ABCA4: variants seen among roughly 807,000 people sequenced by gnomAD.
ABCA4 encodes the protein ATP binding cassette subfamily A member 4, also known as retinal-specific phospholipid-transporting ATPase ABCA4.
A neutral mutation model predicts 263.7 loss-of-function variants in ABCA4; 196 were observed. The ratio of observed to expected loss-of-function variants is 0.74; its 90% CI spans 0.66 to 0.84. The LOEUF is 0.84. Among genes scored for constraint, ABCA4 ranks in the 40% least tolerant of loss-of-function variants. The pLI is 0.00. For missense variants in ABCA4, 2,792 were observed against 2,855.1 expected, an observed-to-expected ratio of 0.98 and a Z score of 0.50; for synonymous variants, 1,133 against 1,094.2, an observed-to-expected ratio of 1.04 and a Z score of -0.70.
At chr1:94,110,520 A>G (rs1266369915) in intron 3 of ABCA4, among the ~76,000 whole-genome samples, 2 of 152,206 alleles carry the variant, frequency 1.3e-5, no homozygotes, top group African/African-American at 4.8e-5. Context: ...CTGCTCCCCA[A>G]CAGGCCTTTG....
At chr1:94,001,174 G>A in intron 45 of ABCA4, 69 bp from the exon 46 acceptor site, 1 of 1,332,132 alleles carries the variant, frequency 7.5e-7, no homozygotes, top group Non-Finnish European at 1.1e-6. Flanking sequence ...CTTCCCCCTG[G>A]GCTGGCTCCC....
chr1:94,094,420 C>T (rs1350715069), intron 6 of ABCA4, among the ~76,000 whole-genome samples: 1 of 152,038 alleles, frequency 6.6e-6, no homozygotes, highest in African/African-American at 2.4e-5. Flanking sequence ...CAAAGAGACA[C>T]GGATAAAATG....
At chr1:94,103,230 T>G (rs1662333733) in intron 4 of ABCA4, 88 bp from the exon 5 acceptor site, 1 of 1,505,748 alleles carries the variant, frequency 6.6e-7, no homozygotes, top group Non-Finnish European at 9.2e-7. Context: ...GAAACACTTG[T>G]AACTCAACTC....
chr1:94,097,570 A>G (rs1326932016), intron 6 of ABCA4, among the ~76,000 whole-genome samples: 1 of 152,208 alleles, frequency 6.6e-6, no homozygotes, highest in Non-Finnish European at 1.5e-5. Flanking sequence ...ACCTTCTCTG[A>G]AGGATTCTAA....
intron 6 of ABCA4, among the ~76,000 whole-genome samples, chr1:94,090,556 C>T (rs1661943252): frequency 6.6e-6 from 1 of 152,164 alleles, no homozygotes; most frequent in South Asian, 2.1e-4. Context: ...AGAAAGCCTT[C>T]TTCCCCCATC....
chr1:94,087,007 AT>A (rs1661850289), intron 6 of ABCA4, among the ~76,000 whole-genome samples: 1 of 152,306 alleles, frequency 6.6e-6, no homozygotes, highest in Non-Finnish European at 1.5e-5. Flanking sequence ...GTGCGGGCTC[AT>A]TTCCTGATTC....
intron 47 of ABCA4, among the ~76,000 whole-genome samples, chr1:93,999,784 C>T (rs552395242): frequency 6.6e-6 from 1 of 152,318 alleles, no homozygotes; most frequent in South Asian, 2.1e-4. Context: ...CCCTCTCACC[C>T]CCTCTATCAT....
Position 94,005,475 on chromosome 1 carries a change from CG to C in ABCA4, c.6112del (p.Arg2038GlyfsTer23). 1 of 1,614,088 alleles carries C rather than the reference CG, an allele frequency of 6.2e-7. No individual in the cohort carries two copies. The highest frequency in any genetic ancestry group is 8.5e-7 in the Non-Finnish European group (1 of 1,180,024). ...TTCTTCTGCTGGTACACCTCGAAGC[CG>C]GGCATAAAGGTAAAGATGTTCTCGT... ...TGREHLYLYA[R>X]LRGVPAEEIE... On this transcript the variant is annotated frameshift_variant, in exon 44 of 50. Transcript: ENST00000370225. LOFTEE classifies it high-confidence loss of function.
In ABCA4 at chr1:94,041,238, T is replaced by C; in HGVS notation, c.3493A>G (p.Asn1165Asp). 1 of 1,614,110 alleles carries C rather than the reference T, an allele frequency of 6.2e-7. No homozygotes were observed. Among genetic ancestry groups the C allele is most frequent in the Non-Finnish European group, 8.5e-7 (1 of 1,180,014 alleles). The part of the protein sequence containing the change: ...LYLTLVRKMK[N>D]IQSQRKGSEG... ...CTGCCTTTCCTTTGGCTCTGGATGT[T>C]TTTCATCTTGCGCACCAAGGTTAAG... Residue 1165 changes from asparagine (N) to aspartate (D), a missense_variant, in exon 23 of 50, where the codon AAC becomes GAC. By Grantham distance (23) the Asn-to-Asp change is conservative (BLOSUM62 1). Transcript: ENST00000370225.
At chr1:94,046,059 T>G in intron 19 of ABCA4, 1 of 399,040 alleles carries the variant, frequency 2.5e-6, no homozygotes, top group Non-Finnish European at 5.0e-6. Flanking sequence ...ACTGATTCTT[T>G]TTTCACTTTC....
At chr1:94,025,153 G>A in intron 30 of ABCA4, 105 bp from the exon 31 acceptor site, 1 of 934,450 alleles carries the variant, frequency 1.1e-6, no homozygotes. Context: ...GGATTGAGCT[G>A]CTGAGAAAAT....
chr1:94,083,878 T>C (rs1661767293), intron 6 of ABCA4, among the ~76,000 whole-genome samples: 1 of 152,192 alleles, frequency 6.6e-6, no homozygotes, highest in African/African-American at 2.4e-5. Flanking sequence ...CTTTCTTCCT[T>C]TGTGCCATTT....
At chr1:94,109,563 A>G (rs142678162) in intron 3 of ABCA4, among the ~76,000 whole-genome samples, 30 of 152,272 alleles carry the variant, frequency 2.0e-4, no homozygotes, top group South Asian at 6.2e-4. Context: ...AGGCCGAGGT[A>G]TTGTGAATTG....
At chr1:94,031,217 GCAGCCTCCTAAT>G in intron 27 of ABCA4, 97 bp from the exon 28 acceptor site, 1 of 1,510,600 alleles carries the variant, frequency 6.6e-7, no homozygotes. Flanking sequence ...CATTTATCCT[GCAGCCTCCTAAT>G]CAGCCCCTGG....
intron 11 of ABCA4, among the ~76,000 whole-genome samples, chr1:94,069,504 C>G (rs930979426): frequency 2.0e-5 from 3 of 152,178 alleles, no homozygotes; most frequent in East Asian, 3.9e-4. Flanking sequence ...CCTCTCACAT[C>G]TGTAACTCCT....
chr1:94,075,590 T>G (rs902935923), intron 11 of ABCA4, among the ~76,000 whole-genome samples: 2 of 152,146 alleles, frequency 1.3e-5, no homozygotes, highest in East Asian at 1.9e-4. Flanking sequence ...AGGTGACAGA[T>G]AGAACGAGGC....
At chr1:94,074,250 C>T (rs1349329626) in intron 11 of ABCA4, among the ~76,000 whole-genome samples, 1 of 152,168 alleles carries the variant, frequency 6.6e-6, no homozygotes, top group Non-Finnish European at 1.5e-5. Flanking sequence ...ACCTGACACA[C>T]ACAAGCAATG....
chr1:94,024,498 C>A (rs1186761136), intron 31 of ABCA4, among the ~76,000 whole-genome samples: 1 of 152,150 alleles, frequency 6.6e-6, no homozygotes, highest in Non-Finnish European at 1.5e-5. Context: ...CAGACACTGT[C>A]CCGCTGCCTC....
At chr1:94,080,773 C>T in intron 7 of ABCA4, 55 bp from the exon 8 acceptor site, 1 of 1,611,628 alleles carries the variant, frequency 6.2e-7, no homozygotes, top group Non-Finnish European at 8.5e-7. Context: ...TCATAATCTG[C>T]TGTGAGGCCA....
Sources: allele counts gnomAD v4.1 joint callset (sites outside exome capture counted in the v4.1 genomes callset), GRCh38; gene constraint gnomAD v4.1.1; transcripts MANE v1.5; gene names NCBI Gene and HGNC (gene_info 2026-07-23, HGNC 2026-07-21).